The following KIAA0825 variants were observed in gnomAD, a reference collection of about 807,000 sequenced individuals.
KIAA0825 encodes the protein KIAA0825, also known as uncharacterized protein KIAA0825.
In KIAA0825, 119 loss-of-function variants were observed where a neutral mutation model predicts 147.6. The observed-to-expected ratio is 0.81, with a 90% CI of 0.69 to 0.94. The LOEUF is 0.94. KIAA0825 is among the 40% of genes least tolerant of loss of function. KIAA0825 has a pLI of 0.00. For synonymous variants in KIAA0825, 470 were observed against 518.1 expected (o/e 0.91, Z 1.26); for missense variants, 1,381 against 1,472.7 (o/e 0.94, Z 1.02).
At chr5:94,197,904 G>T (rs1348922237) in intron 20 of KIAA0825, among the ~76,000 whole-genome samples, 2 of 152,200 alleles carry the variant, frequency 1.3e-5, no homozygotes, top group Non-Finnish European at 2.9e-5. Context: ...AAGGTAGTGT[G>T]AAGCCTCTGG....
chr5:94,253,969 C>A (rs374299727), intron 20 of KIAA0825, among the ~76,000 whole-genome samples: 56 of 152,234 alleles, frequency 3.7e-4, no homozygotes, highest in African/African-American at 1.3e-3. Flanking sequence ...ATTTCTAATT[C>A]TTGCCAATAG....
chr5:94,411,675 G>T (rs255182), intron 15 of KIAA0825, among the ~76,000 whole-genome samples: 35,434 of 152,168 alleles, frequency 0.23, 4,598 homozygotes, highest in Middle Eastern at 0.32. Flanking sequence ...TGGGCCAGGC[G>T]TGGTGGCTCA....
chr5:94,230,938 C>T (rs976591687), intron 20 of KIAA0825, among the ~76,000 whole-genome samples: 3 of 152,024 alleles, frequency 2.0e-5, no homozygotes, highest in African/African-American at 4.8e-5. Context: ...TTGTAGCCTC[C>T]AAATAGATAT....
In KIAA0825 at chr5:94,599,328, T is replaced by C. The variant is rs369331840; in HGVS notation, c.-152-16745A>G. Reference sequence around the variant, plus strand: ...GTGCCTATTTTAAAATCTGATTATTTGGGTTTTTTTTTTTTTTTTTTTTGC... The same window carrying C: ...GTGCCTATTTTAAAATCTGATTATTCGGGTTTTTTTTTTTTTTTTTTTTGC... On this transcript the variant is annotated intron_variant, in intron 1 of 20. Transcript: ENST00000682413. 4.8e-3 allele frequency among the ~76,000 whole-genome samples: 665 copies of C among 138,122 alleles called. 3 individuals carry two copies. The highest frequency in any genetic ancestry group is 0.015 in the Middle Eastern group (4 of 270). 90.6% of individuals were successfully genotyped at this position (138,122 alleles called of 152,430 possible).
At chr5:94,529,250 A>G (rs1455210229) in intron 3 of KIAA0825, among the ~76,000 whole-genome samples, 2 of 127,852 alleles carry the variant, frequency 1.6e-5, no homozygotes, top group East Asian at 2.0e-4. Flanking sequence ...ATATACATAT[A>G]TATGTATATA....
At chr5:94,173,379 A>G (rs1178226555) in intron 20 of KIAA0825, among the ~76,000 whole-genome samples, 1 of 152,192 alleles carries the variant, frequency 6.6e-6, no homozygotes, top group East Asian at 1.9e-4. Context: ...AAAGATTGGG[A>G]GACACTCATC....
At chr5:94,477,050 T>C in intron 7 of KIAA0825, 61 bp downstream of exon 7, 2 of 1,158,308 alleles carry the variant, frequency 1.7e-6, no homozygotes, top group Non-Finnish European at 2.5e-6. Flanking sequence ...TCATAATGGA[T>C]TCACAGGCAT....
At chr5:94,587,686 GA>G (rs1269757860) in intron 1 of KIAA0825, among the ~76,000 whole-genome samples, 1 of 151,958 alleles carries the variant, frequency 6.6e-6, no homozygotes, top group Non-Finnish European at 1.5e-5. Flanking sequence ...ACAGAATTGG[GA>G]AAAACTACTT....
intron 13 of KIAA0825, among the ~76,000 whole-genome samples, chr5:94,442,918 A>C (rs892513129): frequency 3.3e-5 from 5 of 152,126 alleles, no homozygotes; most frequent in African/African-American, 4.8e-5. Context: ...TGGAGAGTTT[A>C]AGGCAAAGGA....
At chr5:94,294,594 C>T (rs572799463) in intron 20 of KIAA0825, among the ~76,000 whole-genome samples, 10 of 152,158 alleles carry the variant, frequency 6.6e-5, no homozygotes, top group Admixed American at 2.0e-4. Context: ...GGTGTGGTGG[C>T]GCACACCTGT....
intron 3 of KIAA0825, among the ~76,000 whole-genome samples, chr5:94,526,931 C>T (rs1769403905): frequency 6.6e-6 from 1 of 151,862 alleles, no homozygotes; most frequent in South Asian, 2.1e-4. Context: ...CTAAAAGTGC[C>T]TGTGGGAGGT....
chr5:94,358,278 C>T (rs1744583172), intron 20 of KIAA0825, among the ~76,000 whole-genome samples: 2 of 152,110 alleles, frequency 1.3e-5, no homozygotes, highest in South Asian at 4.1e-4. Flanking sequence ...CCCTCCCCAA[C>T]CTCTTAAAGT....
At chr5:94,609,284 G>T (rs529095796) in intron 1 of KIAA0825, among the ~76,000 whole-genome samples, 2 of 152,248 alleles carry the variant, frequency 1.3e-5, no homozygotes, top group African/African-American at 4.8e-5. Context: ...CTTTTATTAA[G>T]CCAGACATTG....
At chr5:94,543,465 A>C (rs1773732355) in intron 2 of KIAA0825, among the ~76,000 whole-genome samples, 1 of 152,220 alleles carries the variant, frequency 6.6e-6, no homozygotes, top group Non-Finnish European at 1.5e-5. Context: ...AATAAATAAA[A>C]ATAAAAATAA....
intron 2 of KIAA0825, among the ~76,000 whole-genome samples, chr5:94,543,463 A>T (rs1773731698): frequency 6.6e-6 from 1 of 152,084 alleles, no homozygotes; most frequent in Non-Finnish European, 1.5e-5. Flanking sequence ...TAAATAAATA[A>T]AAATAAAAAT....
At chr5:94,409,128 T>C (rs1028840689) in intron 15 of KIAA0825, among the ~76,000 whole-genome samples, 1 of 152,294 alleles carries the variant, frequency 6.6e-6, no homozygotes, top group African/African-American at 2.4e-5. Context: ...TTTCAGTCAG[T>C]AGTCAGCTGA....
intron 20 of KIAA0825, among the ~76,000 whole-genome samples, chr5:94,248,846 T>A (rs1239479381): frequency 6.6e-6 from 1 of 152,130 alleles, no homozygotes; most frequent in East Asian, 1.9e-4. Flanking sequence ...AGATTTCTAT[T>A]TTACTTCCTT....
At chr5:94,398,915 CA>C (rs1751021051) in intron 16 of KIAA0825, among the ~76,000 whole-genome samples, 1 of 151,912 alleles carries the variant, frequency 6.6e-6, no homozygotes, top group African/African-American at 2.4e-5. Context: ...CACTCTGTTC[CA>C]AAAAAGTACA....
intron 20 of KIAA0825, among the ~76,000 whole-genome samples, chr5:94,355,047 G>A (rs762652392): frequency 1.3e-5 from 2 of 152,150 alleles, no homozygotes; most frequent in South Asian, 2.1e-4. Flanking sequence ...AGGCTTCCAC[G>A]CTATAGGTAA....
Sources: allele counts gnomAD v4.1 joint callset (sites outside exome capture counted in the v4.1 genomes callset), GRCh38; gene constraint gnomAD v4.1.1; transcripts MANE v1.5; gene names NCBI Gene and HGNC (gene_info 2026-07-23, HGNC 2026-07-21).